PADI3: variants seen among roughly 807,000 people sequenced by gnomAD.
PADI3 encodes peptidyl arginine deiminase 3, also known as protein-arginine deiminase type-3.
PADI3 carries 53 observed loss-of-function variants against 71.5 expected under a neutral mutation model. The observed-to-expected ratio is 0.74, with a 90% CI of 0.59 to 0.93. The LOEUF is 0.93. Ranked by LOEUF, PADI3 falls within the 40% of genes least tolerant of loss-of-function variation. PADI3 has a pLI of 0.00. For synonymous variants in PADI3, 361 were observed against 347.5 expected (o/e 1.04, Z -0.43); for missense variants, 821 against 868.0 (o/e 0.95, Z 0.68).
intron 1 of PADI3, among the ~76,000 whole-genome samples, chr1:17,258,422 A>G (rs574611088): frequency 6.6e-6 from 1 of 152,392 alleles, no homozygotes; most frequent in East Asian, 1.9e-4. Context: ...CAAAGGATGC[A>G]TAGTCTGGTT....
At chr1:17,282,773 A>T in intron 15 of PADI3, 73 bp from the exon 16 acceptor site, 2 of 1,119,070 alleles carry the variant, frequency 1.8e-6, no homozygotes, top group Non-Finnish European at 2.6e-6. Flanking sequence ...ACACAAACCT[A>T]GGTCCTGCAG....
chr1:17,258,510 C>A (rs2073056069), intron 1 of PADI3, among the ~76,000 whole-genome samples: 1 of 152,228 alleles, frequency 6.6e-6, no homozygotes, highest in Non-Finnish European at 1.5e-5. Context: ...ATACTTTAAA[C>A]CTGCAATTAA....
intron 1 of PADI3, among the ~76,000 whole-genome samples, chr1:17,251,631 A>C (rs1569872869): frequency 1.3e-5 from 2 of 152,344 alleles, no homozygotes; most frequent in South Asian, 4.1e-4. Context: ...AACTTGTCCA[A>C]GGTCACATGG....
chr1:17,252,972 T>C (rs867064552), intron 1 of PADI3, among the ~76,000 whole-genome samples: 4 of 152,210 alleles, frequency 2.6e-5, no homozygotes, highest in African/African-American at 9.6e-5. Flanking sequence ...GAGACATCTC[T>C]GGGGTCTTAC....
intron 13 of PADI3, 143 bp downstream of exon 13, chr1:17,277,019 C>T: frequency 9.0e-6 from 6 of 667,152 alleles, no homozygotes; most frequent in Non-Finnish European, 1.3e-5. Context: ...TGCCCCTGCA[C>T]ACCTTGCTTC....
intron 15 of PADI3, among the ~76,000 whole-genome samples, chr1:17,281,884 G>A (rs905571912): frequency 6.6e-6 from 1 of 152,320 alleles, no homozygotes; most frequent in East Asian, 1.9e-4. Context: ...AGGTGGTGCT[G>A]ATGCTGCCTT....
Position 17,273,383 on chromosome 1 carries a change from TCCCGGTGGTCTTTGACTC to T in PADI3, c.1095_1112del (p.Val366_Pro371del), listed in dbSNP as rs757080531. On this transcript the variant is annotated inframe_deletion, in exon 10 of 16. Coordinates refer to ENST00000375460, the MANE Select transcript of PADI3 (RefSeq NM_016233.2). Reference sequence around the variant, plus strand: ...TACGTTCAGGCGCCGCACAAGACCCTCCCGGTGGTCTTTGACTCCCCAAGGAATGGGGAACTGCAGGAT... The same window carrying T: ...TACGTTCAGGCGCCGCACAAGACCCTCCCAAGGAATGGGGAACTGCAGGAT... 3 of 1,613,538 alleles carry T rather than the reference TCCCGGTGGTCTTTGACTC, an allele frequency of 1.9e-6. No homozygotes were observed. The African/African-American group carries it at 4.0e-5, about 22-fold the overall frequency.
At chr1:17,261,994 A>G in intron 2 of PADI3, 139 bp from the exon 3 acceptor site, 1 of 681,344 alleles carries the variant, frequency 1.5e-6, no homozygotes, top group Non-Finnish European at 2.5e-6. Flanking sequence ...ACACAGAAAA[A>G]TAAATGGCAC....
intron 1 of PADI3, 38 bp from the exon 2 acceptor site, chr1:17,259,540 C>G: frequency 6.6e-7 from 1 of 1,524,968 alleles, no homozygotes; most frequent in Non-Finnish European, 8.8e-7. Context: ...CAAAATATAT[C>G]TCCTTCGGCA....
chr1:17,265,490 G>A (rs1321594513), intron 3 of PADI3, among the ~76,000 whole-genome samples, 169 bp from the exon 4 acceptor site: 2 of 152,126 alleles, frequency 1.3e-5, no homozygotes, highest in Non-Finnish European at 2.9e-5. Flanking sequence ...CCTGCTTCTT[G>A]CCTCAGGCCT....
At chr1:17,277,014 C>T in intron 13 of PADI3, 138 bp downstream of exon 13, 2 of 690,328 alleles carry the variant, frequency 2.9e-6, no homozygotes, top group South Asian at 3.8e-5. Flanking sequence ...ACTCCTGCCC[C>T]TGCACACCTT....
chr1:17,257,031 C>CAAAAAA (rs967292996), intron 1 of PADI3, among the ~76,000 whole-genome samples: 1 of 37,602 alleles, frequency 2.7e-5, no homozygotes, highest in Non-Finnish European at 4.9e-5. Context: ...GACTCTGTCT[C>CAAAAAA]AAAAAAAAAA....
chr1:17,270,279 T>C lies in PADI3; in HGVS notation c.699T>C (p.Asp233=). The C allele has an allele frequency of 6.2e-7, 1 of 1,613,862 alleles. No individual in the cohort carries two copies. The highest frequency in any genetic ancestry group is 8.5e-7 in the Non-Finnish European group (1 of 1,179,896). ...CCTATAGGCATGTGCTGGGCCAAGA[T>C]AAGGTGTCCTATGAGGTACCCCGCT... ...CEAYRHVLGQ[D]KVSYEVPRLH... The change falls in exon 7 of 16, where the codon GAT becomes GAC. Residue 233 remains aspartate (D), a synonymous_variant. Transcript: ENST00000375460.
chr1:17,275,138 T>C (rs1327429019), intron 11 of PADI3, among the ~76,000 whole-genome samples: 2 of 151,688 alleles, frequency 1.3e-5, no homozygotes, highest in Non-Finnish European at 2.9e-5. Flanking sequence ...AACAGTCAAT[T>C]AATAGTAACA....
intron 6 of PADI3, among the ~76,000 whole-genome samples, chr1:17,268,777 G>A (rs2073205977): frequency 3.3e-5 from 5 of 152,050 alleles, no homozygotes; most frequent in Admixed American, 2.6e-4. Flanking sequence ...AAAGTGCTGG[G>A]ATTATAGGCG....
intron 1 of PADI3, among the ~76,000 whole-genome samples, chr1:17,250,895 A>G (rs1334826487): frequency 1.3e-5 from 2 of 152,128 alleles, no homozygotes; most frequent in Admixed American, 1.3e-4. Flanking sequence ...TGGGGCAATA[A>G]GAGATAAAGG....
intron 2 of PADI3, among the ~76,000 whole-genome samples, chr1:17,261,749 G>T (rs746742919): frequency 2.0e-5 from 3 of 152,244 alleles, no homozygotes; most frequent in Non-Finnish European, 4.4e-5. Flanking sequence ...AGTACCCAGA[G>T]GTGCCGGGCT....
Position 17,271,157 on chromosome 1 carries a change from C to A in PADI3, c.1026C>A (p.Asn342Lys), listed in dbSNP as rs753254314. The A allele has an allele frequency of 8.1e-6, 13 of 1,613,246 alleles. No homozygotes were observed. In the South Asian group the frequency reaches 1.4e-4, roughly 18 times the overall value. Residue 342 changes from asparagine to lysine, a missense_variant, in exon 9 of 16, where the codon AAC becomes AAA. Asn to Lys is a moderately conservative substitution (Grantham distance 94). Transcript: ENST00000375460. ...TGACCATCTGCCCACAGGCCGAGAA[C>A]CGCAACGACCGCTGGATCCAGGTAA... is the stretch of plus-strand genomic sequence containing the variant. Reference protein sequence around the residue: ...CKLTICPQAENRNDRWIQDEM... With the variant: ...CKLTICPQAEKRNDRWIQDEM...
intron 13 of PADI3, among the ~76,000 whole-genome samples, chr1:17,279,967 A>G (rs2073381118): frequency 6.6e-6 from 1 of 152,154 alleles, no homozygotes; most frequent in African/African-American, 2.4e-5. Flanking sequence ...TGAACCTATA[A>G]AACCTGACTG....
Sources: allele counts gnomAD v4.1 joint callset (sites outside exome capture counted in the v4.1 genomes callset), GRCh38; gene constraint gnomAD v4.1.1; transcripts MANE v1.5; gene names NCBI Gene and HGNC (gene_info 2026-07-23, HGNC 2026-07-21).